Variants in OPCML observed in about 807,000 individuals in gnomAD.
OPCML encodes the protein opioid binding protein/cell adhesion molecule like, also known as opioid-binding protein/cell adhesion molecule.
In OPCML, 13 loss-of-function variants were observed where a neutral mutation model predicts 37.8. That is an observed-to-expected ratio of 0.34 (90% CI 0.22 to 0.55). The LOEUF (loss-of-function observed/expected upper bound fraction) is 0.55. Among genes scored for constraint, OPCML ranks in the 20% least tolerant of loss-of-function variants. The pLI is 0.91. For synonymous variants in OPCML, 176 were observed against 168.8 expected, an observed-to-expected ratio of 1.04 and a Z score of -0.33; for missense variants, 341 against 435.6, an observed-to-expected ratio of 0.78 and a Z score of 1.93.
chr11:132,696,408 CAAAG>C (rs1943600439), intron 2 of OPCML, among the ~76,000 whole-genome samples: 1 of 151,918 alleles, frequency 6.6e-6, no homozygotes, highest in Non-Finnish European at 1.5e-5. Context: ...CTAAGATAAA[CAAAG>C]AAAACTGGTC....
chr11:133,094,993 T>C (rs1323930435), intron 1 of OPCML, among the ~76,000 whole-genome samples: 1 of 152,104 alleles, frequency 6.6e-6, no homozygotes, highest in Non-Finnish European at 1.5e-5. Context: ...TTCAATTATG[T>C]ATGCACTGGA....
In OPCML at chr11:132,501,655, TC is replaced by T. The variant is rs1592273908; in HGVS notation, c.505+27405del. Among the ~76,000 whole-genome samples the T allele has an allele frequency of 3.3e-5, 5 of 152,314 alleles. No homozygotes were observed. The South Asian group carries it at 6.2e-4, about 19-fold the overall frequency. On this transcript the variant is annotated intron_variant, in intron 4 of 7. Transcript: ENST00000524381. ...ATAATAGTCATATGGTTGCACTAAC[TC>T]CTAACGTGGGCTATGCTTCTCACCT...
At chr11:132,890,755 G>A (rs1305948746) in intron 2 of OPCML, among the ~76,000 whole-genome samples, 1 of 150,170 alleles carries the variant, frequency 6.7e-6, no homozygotes, top group Non-Finnish European at 1.5e-5. Context: ...TACTCAGGAG[G>A]CTGAGGCAGA....
chr11:133,004,782 G>A, intron 1 of OPCML: 1 of 985,378 alleles, frequency 1.0e-6, no homozygotes. Flanking sequence ...AGATCACACT[G>A]CCTTCCTTCC....
At chr11:132,661,628 G>A (rs564191196) in intron 2 of OPCML, among the ~76,000 whole-genome samples, 1 of 152,140 alleles carries the variant, frequency 6.6e-6, no homozygotes, top group Non-Finnish European at 1.5e-5. Flanking sequence ...AGTTGAGGAA[G>A]GCTAATGACA....
chr11:132,715,981 T>G (rs189346972), intron 2 of OPCML, among the ~76,000 whole-genome samples: 494 of 152,342 alleles, frequency 3.2e-3, no homozygotes, highest in Non-Finnish European at 6.0e-3. Context: ...AAATTTATGT[T>G]TCTTAGAAAA....
At chr11:132,513,555 G>GA (rs1355923223) in intron 4 of OPCML, among the ~76,000 whole-genome samples, 1 of 152,048 alleles carries the variant, frequency 6.6e-6, no homozygotes, top group African/African-American at 2.4e-5. Context: ...GCTTCAATAA[G>GA]AAAAAATGAA....
chr11:133,415,242 T>C (rs1053580724), intron 1 of OPCML, among the ~76,000 whole-genome samples: 2 of 151,732 alleles, frequency 1.3e-5, no homozygotes, highest in Non-Finnish European at 2.9e-5. Context: ...ACCCAGTCTC[T>C]ACAAAAAAAT....
rs181622694 is a variant in OPCML at position 132,764,715 on chromosome 11, G to A, written c.147-107396C>T. Among the ~76,000 whole-genome samples the A allele has an allele frequency of 1.8e-3, 271 of 152,282 alleles. 1 individual carries two copies. The highest frequency in any genetic ancestry group is 3.4e-3 in the Admixed American group (52 of 15,300). ...CACTGAGCAGAAGAAAGCCAGATTG[G>A]ATGAGCACATCTGTTAGCTCTTTGA... is the stretch of plus-strand genomic sequence containing the variant. On this transcript the variant is annotated intron_variant, in intron 2 of 7. Transcript: ENST00000524381.
At chr11:133,348,135 A>T (rs991676031) in intron 1 of OPCML, among the ~76,000 whole-genome samples, 1 of 152,170 alleles carries the variant, frequency 6.6e-6, no homozygotes, top group Non-Finnish European at 1.5e-5. Context: ...GTCTTCTTTG[A>T]TTACTCACTG....
Position 132,925,061 on chromosome 11 carries a change from T to C in OPCML, c.146+17865A>G, listed in dbSNP as rs145513419. ...TGTGTCCAGTCCACCAAAGAGCTCATCAAATGAGCCCATTCTTCATTTCTG... is the reference window on the plus strand; with the variant it reads ...TGTGTCCAGTCCACCAAAGAGCTCACCAAATGAGCCCATTCTTCATTTCTG... On this transcript the variant is annotated intron_variant, in intron 2 of 7. Coordinates refer to ENST00000524381, the MANE Select transcript of OPCML (RefSeq NM_001012393.5). 2.7e-4 allele frequency among the ~76,000 whole-genome samples: 41 copies of C among 152,368 alleles called. 1 individual carries two copies. The East Asian group carries it at 7.5e-3, about 28-fold the overall frequency.
intron 1 of OPCML, among the ~76,000 whole-genome samples, chr11:133,151,736 A>G (rs574297800): frequency 6.6e-6 from 1 of 152,128 alleles, no homozygotes; most frequent in Non-Finnish European, 1.5e-5. Context: ...CCTGTGTTCT[A>G]TCACGGGATC....
At chr11:132,637,212 A>G (rs1363728140) in intron 3 of OPCML, among the ~76,000 whole-genome samples, 1 of 152,130 alleles carries the variant, frequency 6.6e-6, no homozygotes, top group East Asian at 1.9e-4. Context: ...ATCAGTCCAC[A>G]AGATGTTACA....
chr11:132,876,905 C>G (rs986870792), intron 2 of OPCML, among the ~76,000 whole-genome samples: 6 of 152,094 alleles, frequency 3.9e-5, no homozygotes, highest in Non-Finnish European at 7.3e-5. Context: ...GGGCATGAAA[C>G]CACAGACTGT....
chr11:132,659,704 C>CTGTGTGTGTGTGTGTGTG lies in OPCML; in HGVS notation c.147-2403_147-2386dup, dbSNP rs58318033. On this transcript the variant is annotated intron_variant, in intron 2 of 7. Transcript: ENST00000524381. The stretch of plus-strand genomic sequence containing the variant: ...AAAATTTTTTTAAGTCACAAAATTC[C>CTGTGTGTGTGTGTGTGTG]TGTGTGTGTGTGTGTGTGTGTGTGT... Among the ~76,000 whole-genome samples, 870 of 147,320 alleles carry CTGTGTGTGTGTGTGTGTG rather than the reference C, an allele frequency of 5.9e-3. 9 individuals are homozygous for CTGTGTGTGTGTGTGTGTG. The highest frequency in any genetic ancestry group is 0.021 in the African/African-American group (832 of 40,404).
intron 2 of OPCML, among the ~76,000 whole-genome samples, chr11:132,817,937 T>C (rs1939726162): frequency 6.6e-6 from 1 of 152,058 alleles, no homozygotes; most frequent in Non-Finnish European, 1.5e-5. Flanking sequence ...TATGAAGTAG[T>C]GACCACAATA....
At chr11:132,454,077 A>G (rs1023764929) in intron 4 of OPCML, among the ~76,000 whole-genome samples, 4 of 152,224 alleles carry the variant, frequency 2.6e-5, no homozygotes, top group African/African-American at 2.4e-5. Flanking sequence ...TGTGCACAAC[A>G]CATGCTAGGT....
chr11:133,491,615 G>C (rs1947661767), intron 1 of OPCML, among the ~76,000 whole-genome samples: 1 of 152,176 alleles, frequency 6.6e-6, no homozygotes, highest in Non-Finnish European at 1.5e-5. Context: ...AGCTATGCGA[G>C]GAATCCCAGA....
At chr11:132,488,451 C>T (rs2512702) in intron 4 of OPCML, among the ~76,000 whole-genome samples, 63,617 of 151,844 alleles carry the variant, frequency 0.42, 14,005 homozygotes, top group East Asian at 0.74. Flanking sequence ...TCCTAGGGTA[C>T]AAATCTGTAC....
Sources: allele counts gnomAD v4.1 joint callset (sites outside exome capture counted in the v4.1 genomes callset), GRCh38; gene constraint gnomAD v4.1.1; transcripts MANE v1.5; gene names NCBI Gene and HGNC (gene_info 2026-07-23, HGNC 2026-07-21).